UTP6: variants seen among roughly 807,000 people sequenced by gnomAD.
UTP6 encodes the protein UTP6 small subunit processome component, also known as U3 small nucleolar RNA-associated protein 6 homolog.
UTP6 carries 60 observed loss-of-function variants against 96.5 expected under a neutral mutation model. The ratio of observed to expected loss-of-function variants is 0.62; its 90% CI spans 0.51 to 0.77. The LOEUF (loss-of-function observed/expected upper bound fraction) is 0.77. Ranked by LOEUF, UTP6 falls within the 30% of genes least tolerant of loss-of-function variation. The pLI is 0.00. For missense variants in UTP6, 637 were observed against 706.5 expected (o/e 0.90, Z 1.12); for synonymous variants, 215 against 240.1 (o/e 0.90, Z 0.96).
rs901731191 is a variant in UTP6 at position 31,860,954 on chromosome 17, G to A, written c.*2405C>T. On this transcript the variant is annotated 3_prime_UTR_variant, in exon 19 of 19. Coordinates refer to ENST00000261708, the MANE Select transcript of UTP6 (RefSeq NM_018428.3). ...AAAGGTAACATCACAAATCAGCAGA[G>A]AGAAACATAACTGCCCAAATAGTGT... 2.0e-5 allele frequency: 3 copies of A among 152,106 alleles called. No homozygotes were observed. Among genetic ancestry groups the A allele is most frequent in the Admixed American group, 2.0e-4 (3 of 15,254 alleles). The allele number at this position is 152,106 out of a possible 1,614,324, so 9.4% of individuals were successfully genotyped here.
intron 11 of UTP6, 182 bp downstream of exon 11, chr17:31,880,391 A>T: frequency 1.5e-6 from 1 of 675,544 alleles, no homozygotes; most frequent in Non-Finnish European, 2.4e-6. Flanking sequence ...ACTGAACTCC[A>T]GCCAGGGTGA....
At chr17:31,875,690 G>T (rs1910460875) in intron 13 of UTP6, among the ~76,000 whole-genome samples, 2 of 151,910 alleles carry the variant, frequency 1.3e-5, no homozygotes, top group South Asian at 4.1e-4. Context: ...GGGTGTGGTG[G>T]TATGCATCTG....
intron 10 of UTP6, among the ~76,000 whole-genome samples, chr17:31,882,459 T>G (rs1910901949): frequency 6.6e-6 from 1 of 151,894 alleles, no homozygotes; most frequent in South Asian, 2.1e-4. Flanking sequence ...TAGCTGGGAT[T>G]ACAGGTGCAT....
chr17:31,864,494 G>A (rs1461081942), intron 18 of UTP6, among the ~76,000 whole-genome samples: 4 of 152,152 alleles, frequency 2.6e-5, no homozygotes, highest in Non-Finnish European at 4.4e-5. Flanking sequence ...CTACAAATGA[G>A]GGCAATGTGG....
chr17:31,879,282 C>G lies in UTP6; in HGVS notation c.968-501G>C, dbSNP rs758907290. Among the ~76,000 whole-genome samples, 9 of 151,730 alleles carry G rather than the reference C, an allele frequency of 5.9e-5. No homozygotes were observed. In the South Asian group the frequency reaches 1.9e-3, roughly 32 times the overall value. Reference sequence around the variant, plus strand: ...GCATGCACCTGTAATCCCAGCTACTCGGGAGGCTGAGGCAGGAGAATTGCT... The same window carrying G: ...GCATGCACCTGTAATCCCAGCTACTGGGGAGGCTGAGGCAGGAGAATTGCT... On this transcript the variant is annotated intron_variant, in intron 11 of 18. Coordinates refer to ENST00000261708, the MANE Select transcript of UTP6 (RefSeq NM_018428.3).
intron 13 of UTP6, 78 bp from the exon 14 acceptor site, chr17:31,875,491 T>A: frequency 1.4e-6 from 2 of 1,468,136 alleles, no homozygotes; most frequent in Non-Finnish European, 1.8e-6. Context: ...CTATGCCTCA[T>A]TTGAGGCAAG....
At chr17:31,869,261 T>C (rs1910019540) in intron 16 of UTP6, among the ~76,000 whole-genome samples, 1 of 152,170 alleles carries the variant, frequency 6.6e-6, no homozygotes, top group African/African-American at 2.4e-5. Context: ...CTAGAATTCC[T>C]GGGCTCAAGC....
intron 2 of UTP6, among the ~76,000 whole-genome samples, chr17:31,899,339 G>T (rs1250407982): frequency 1.3e-5 from 2 of 152,156 alleles, no homozygotes; most frequent in African/African-American, 4.8e-5. Flanking sequence ...GGGCACTGTG[G>T]TTCACACCTG....
chr17:31,883,835 C>G (rs1050315981), intron 10 of UTP6, among the ~76,000 whole-genome samples: 1 of 150,918 alleles, frequency 6.6e-6, no homozygotes, highest in African/African-American at 2.4e-5. Context: ...CACCACCACA[C>G]CTAGCTTATT....
chr17:31,900,177 T>C (rs1904890381), intron 1 of UTP6, among the ~76,000 whole-genome samples: 1 of 152,232 alleles, frequency 6.6e-6, no homozygotes, highest in African/African-American at 2.4e-5. Context: ...CAATTACTTT[T>C]GTGTTCTTAA....
At chr17:31,887,473 G>A in intron 7 of UTP6, 160 bp from the exon 8 acceptor site, 2 of 594,258 alleles carry the variant, frequency 3.4e-6, no homozygotes, top group South Asian at 4.3e-5. Context: ...TCAGCTTCCT[G>A]AGTAGCTAGG....
chr17:31,865,412 T>A lies in UTP6; in HGVS notation c.1590A>T (p.Arg530Ser), dbSNP rs1431066932. 6.2e-7 allele frequency: 1 copy of A among 1,614,068 alleles called. No individual in the cohort carries two copies. Among genetic ancestry groups the A allele is most frequent in the South Asian group, 1.1e-5 (1 of 91,078 alleles). Residue 530 changes from arginine (R) to serine (S), a missense_variant, in exon 18 of 19, where the codon AGA becomes AGT. By Grantham distance (110) the Arg-to-Ser change is moderately radical. Transcript: ENST00000261708. Reference protein sequence around the residue: ...EQESCNMANIREYYERALREF... With the variant: ...EQESCNMANISEYYERALREF... ...CTCTCAAAGCTCTCTCATAATATTC[T>A]CTTATGTTCGCCATATTGCAGGATT...
chr17:31,900,074 G>C (rs1368674492), intron 1 of UTP6, among the ~76,000 whole-genome samples: 3 of 151,966 alleles, frequency 2.0e-5, no homozygotes, highest in African/African-American at 7.3e-5. Context: ...AACCTGGAAG[G>C]CGGAGGTTGC....
At chr17:31,866,695 G>A (rs547701683) in intron 17 of UTP6, 1 of 145,254 alleles carries the variant, frequency 6.9e-6, no homozygotes, top group South Asian at 2.2e-4. Context: ...GTCCAGCCTG[G>A]GCGACAGAGA....
At chr17:31,879,395 GATAATT>G (rs1289265393) in intron 11 of UTP6, among the ~76,000 whole-genome samples, 1 of 150,420 alleles carries the variant, frequency 6.6e-6, no homozygotes, top group Non-Finnish European at 1.5e-5. Context: ...GTCTCAAAAA[GATAATT>G]AAGGATGTCG....
rs752733689 is a variant in UTP6 at position 31,880,678 on chromosome 17, T to C, written c.862A>G (p.Thr288Ala). 6.2e-7 allele frequency: 1 copy of C among 1,614,154 alleles called. No individual in the cohort carries two copies. The highest frequency in any genetic ancestry group is 1.1e-5 in the South Asian group (1 of 91,078). ...ARRELEIESQTEEQPTTKQAK... is the reference protein window; with the variant it reads ...ARRELEIESQAEEQPTTKQAK... ...TGTTTCGTTGTAGGCTGCTCTTCTG[T>C]CTGTGACTCAATCTCTAATTCTCGC... is the stretch of plus-strand genomic sequence containing the variant. The change falls in exon 11 of 19, where the codon ACA (threonine) becomes GCA (alanine). Residue 288 changes from threonine (T) to alanine (A), a missense_variant. By Grantham distance (58) the Thr-to-Ala change is moderately conservative (BLOSUM62 0). Coordinates refer to ENST00000261708, the MANE Select transcript of UTP6 (RefSeq NM_018428.3).
At chr17:31,894,501 A>G (rs1016584750) in intron 4 of UTP6, 144 bp downstream of exon 4, 5 of 610,488 alleles carry the variant, frequency 8.2e-6, no homozygotes, top group African/African-American at 7.4e-5. Flanking sequence ...TGGCTCAAAA[A>G]ATGTTTTGAG....
intron 14 of UTP6, among the ~76,000 whole-genome samples, chr17:31,874,887 A>G (rs916798118): frequency 1.2e-3 from 182 of 147,642 alleles, no homozygotes; most frequent in African/African-American, 4.5e-3. Flanking sequence ...AGCTGAGATC[A>G]CGCCACTGCA....
intron 2 of UTP6, among the ~76,000 whole-genome samples, chr17:31,896,782 G>A (rs1259829911): frequency 6.6e-6 from 1 of 151,944 alleles, no homozygotes; most frequent in African/African-American, 2.4e-5. Context: ...GACTACAGGT[G>A]TGCACCACCA....
Sources: allele counts gnomAD v4.1 joint callset (sites outside exome capture counted in the v4.1 genomes callset), GRCh38; gene constraint gnomAD v4.1.1; transcripts MANE v1.5; gene names NCBI Gene and HGNC (gene_info 2026-07-23, HGNC 2026-07-21).